PRKCQ: variants seen among roughly 807,000 people sequenced by gnomAD.
The protein encoded by PRKCQ is protein kinase C theta type.
PRKCQ carries 41 observed loss-of-function variants against 91.2 expected under a neutral mutation model. The ratio of observed to expected loss-of-function variants is 0.45; its 90% CI spans 0.35 to 0.58. PRKCQ has a LOEUF of 0.58. Ranked by LOEUF, PRKCQ falls within the 20% of genes least tolerant of loss-of-function variation. The pLI is 0.00. For synonymous variants in PRKCQ, 307 were observed against 316.9 expected (o/e 0.97, Z 0.33); for missense variants, 673 against 896.5 (o/e 0.75, Z 3.18).
chr10:6,516,254 T>C (rs546409511), intron 1 of PRKCQ, among the ~76,000 whole-genome samples: 1 of 152,350 alleles, frequency 6.6e-6, no homozygotes, highest in South Asian at 2.1e-4. Context: ...TCCAGTATGC[T>C]AAATACCAGT....
chr10:6,443,737 G>C (rs759762187), intron 15 of PRKCQ, among the ~76,000 whole-genome samples: 1 of 152,168 alleles, frequency 6.6e-6, no homozygotes, highest in Non-Finnish European at 1.5e-5. Context: ...AAGGTGAAGG[G>C]AAACCTGTCA....
chr10:6,573,131 T>C (rs1293330374), intron 1 of PRKCQ, among the ~76,000 whole-genome samples: 1 of 152,228 alleles, frequency 6.6e-6, no homozygotes, highest in African/African-American at 2.4e-5. Flanking sequence ...TAATATTTTC[T>C]GTTTTATTCT....
chr10:6,446,557 G>A (rs1834315713), intron 15 of PRKCQ, among the ~76,000 whole-genome samples: 1 of 151,794 alleles, frequency 6.6e-6, no homozygotes, highest in African/African-American at 2.4e-5. Context: ...GTAGAGACGG[G>A]GTTTCACCAT....
intron 12 of PRKCQ, among the ~76,000 whole-genome samples, chr10:6,466,707 T>C (rs1233912754): frequency 6.6e-6 from 1 of 152,128 alleles, no homozygotes; most frequent in East Asian, 1.9e-4. Flanking sequence ...TATAATAGGC[T>C]CAAACTTTCA....
At chr10:6,477,661 A>C (rs192348961) in intron 12 of PRKCQ, among the ~76,000 whole-genome samples, 401 of 152,328 alleles carry the variant, frequency 2.6e-3, no homozygotes, top group Non-Finnish European at 4.6e-3. Context: ...TGAGGTCAGG[A>C]GTTTGAGACC....
the PRKCQ span, among the ~76,000 whole-genome samples, chr10:6,404,591 T>C: frequency 7.0e-6 from 1 of 141,902 alleles, no homozygotes; most frequent in East Asian, 2.3e-4. Flanking sequence ...TTCTTTCTTT[T>C]TTTCTCTCTC....
chr10:6,414,037 T>C, the PRKCQ span, among the ~76,000 whole-genome samples: 6 of 152,076 alleles, frequency 3.9e-5, no homozygotes, highest in East Asian at 1.9e-4. Flanking sequence ...GCAAATAAGG[T>C]GATCCCCAAG....
intron 12 of PRKCQ, among the ~76,000 whole-genome samples, chr10:6,472,352 G>C (rs1032491907): frequency 6.6e-6 from 1 of 152,076 alleles, no homozygotes; most frequent in African/African-American, 2.4e-5. Context: ...GGAAAGATGC[G>C]GCATTTCAGA....
At chr10:6,415,575 C>T in the PRKCQ span, among the ~76,000 whole-genome samples, 1 of 149,826 alleles carries the variant, frequency 6.7e-6, no homozygotes, top group Non-Finnish European at 1.5e-5. Flanking sequence ...GTGGAGGGAA[C>T]AAGTCATACT....
chr10:6,505,182 G>A (rs1392409815), intron 4 of PRKCQ, among the ~76,000 whole-genome samples: 3 of 152,086 alleles, frequency 2.0e-5, no homozygotes, highest in Admixed American at 6.5e-5. Context: ...GTGAGCCACC[G>A]TGCCCGGCCA....
chr10:6,497,471 T>A lies in PRKCQ; in HGVS notation c.543-220A>T, dbSNP rs1837683121. Among the ~76,000 whole-genome samples, 1 of 152,224 alleles carries A rather than the reference T, an allele frequency of 6.6e-6. No homozygotes were observed. The highest frequency in any genetic ancestry group is 1.5e-5 in the Non-Finnish European group (1 of 68,050). ...ATTAAATAAATGAGAACTGGCTGAT[T>A]TATCATCCTTGTATTTTCCAAACAT... is the stretch of plus-strand genomic sequence containing the variant. On this transcript the variant is annotated intron_variant, in intron 5 of 17. Coordinates refer to ENST00000263125, the MANE Select transcript of PRKCQ (RefSeq NM_006257.5). This position sits in a 1 kb window ranked among gnomAD's most constrained non-coding sequence, Gnocchi z 4.5.
At chr10:6,420,942 C>T in the PRKCQ span, among the ~76,000 whole-genome samples, 1 of 151,968 alleles carries the variant, frequency 6.6e-6, no homozygotes, top group Non-Finnish European at 1.5e-5. Context: ...TATTTCAGTT[C>T]TGGGGAGTTT....
intron 1 of PRKCQ, among the ~76,000 whole-genome samples, chr10:6,523,378 G>T (rs1839087327): frequency 6.6e-6 from 1 of 152,132 alleles, no homozygotes; most frequent in African/African-American, 2.4e-5. Flanking sequence ...TTGAGCCCAG[G>T]ATGTCGAGGC....
intron 3 of PRKCQ, among the ~76,000 whole-genome samples, chr10:6,510,748 A>G (rs539678786): frequency 6.6e-6 from 1 of 152,336 alleles, no homozygotes; most frequent in East Asian, 1.9e-4. Flanking sequence ...TAAATAATTT[A>G]TCATAGTCTA....
intron 15 of PRKCQ, among the ~76,000 whole-genome samples, chr10:6,450,627 C>T (rs935990702): frequency 2.0e-5 from 3 of 152,196 alleles, no homozygotes; most frequent in African/African-American, 7.2e-5. Flanking sequence ...ACAGAATATA[C>T]ATTTTTTTCA....
intron 12 of PRKCQ, among the ~76,000 whole-genome samples, chr10:6,478,081 T>C (rs1199912547): frequency 6.6e-6 from 1 of 152,194 alleles, no homozygotes; most frequent in Non-Finnish European, 1.5e-5. Context: ...TCGAGGATGT[T>C]CATTTTAGTG....
At chr10:6,474,652 G>C (rs1836173195) in intron 12 of PRKCQ, among the ~76,000 whole-genome samples, 1 of 152,168 alleles carries the variant, frequency 6.6e-6, no homozygotes, top group African/African-American at 2.4e-5. Flanking sequence ...TAACTAAAAA[G>C]AGGGAAACTG....
intron 1 of PRKCQ, among the ~76,000 whole-genome samples, chr10:6,526,774 C>T (rs1276169492): frequency 2.0e-5 from 3 of 152,146 alleles, no homozygotes; most frequent in African/African-American, 7.2e-5. Flanking sequence ...CCCGAGGGGT[C>T]TACGTGCTGT....
rs1254581373 is a variant in PRKCQ at position 6,430,519 on chromosome 10, G to A, written c.1965+291C>T. Among the ~76,000 whole-genome samples the A allele has an allele frequency of 6.6e-6, 1 of 152,144 alleles. No individual in the cohort carries two copies. Among genetic ancestry groups the A allele is most frequent in the Non-Finnish European group, 1.5e-5 (1 of 68,028 alleles). Reference sequence around the variant, plus strand: ...TGCACAACCCCCATCTTGTTTAATAGTCACCCTCACAAATTCATATTCAAC... The same window carrying A: ...TGCACAACCCCCATCTTGTTTAATAATCACCCTCACAAATTCATATTCAAC... On this transcript the variant is annotated intron_variant, in intron 17 of 17. Coordinates refer to ENST00000263125, the MANE Select transcript of PRKCQ (RefSeq NM_006257.5). The surrounding 1 kb of genome is among the most constrained non-coding windows in gnomAD (Gnocchi z 4.7).
Sources: allele counts gnomAD v4.1 joint callset (sites outside exome capture counted in the v4.1 genomes callset), GRCh38; gene constraint gnomAD v4.1.1; non-coding constraint Gnocchi (gnomAD v3.1); transcripts MANE v1.5; gene names NCBI Gene and HGNC (gene_info 2026-07-23, HGNC 2026-07-21).